Variants in INPP4B observed in about 807,000 individuals in gnomAD.
The protein encoded by INPP4B is inositol polyphosphate 4-phosphatase type II.
In INPP4B, 55 loss-of-function variants were observed where a neutral mutation model predicts 122.5. That is an observed-to-expected ratio of 0.45 (90% CI 0.36 to 0.56). The LOEUF is 0.56. Among genes scored for constraint, INPP4B ranks in the 20% least tolerant of loss-of-function variants. INPP4B has a pLI of 0.00. For missense variants in INPP4B, 1,000 were observed against 1,097.7 expected (o/e 0.91, Z 1.26); for synonymous variants, 403 against 388.7 (o/e 1.04, Z -0.43).
chr4:142,219,178 T>G (rs1022203144), intron 12 of INPP4B, among the ~76,000 whole-genome samples: 1 of 152,206 alleles, frequency 6.6e-6, no homozygotes, highest in Non-Finnish European at 1.5e-5. Flanking sequence ...AACTGCTTAT[T>G]GTACTATATA....
intron 17 of INPP4B, 94 bp from the exon 18 acceptor site, chr4:142,146,090 G>T (rs1810557128): frequency 2.2e-6 from 3 of 1,369,390 alleles, no homozygotes; most frequent in Admixed American, 2.0e-5. Flanking sequence ...ATTTGGAAGG[G>T]TAGTCATTAG....
intron 2 of INPP4B, chr4:142,654,803 C>A (rs1005322442): frequency 4.6e-5 from 7 of 152,154 alleles, no homozygotes; most frequent in Admixed American, 4.6e-4. Context: ...CTGTGTTCAG[C>A]AAGGAGGTGG....
intron 21 of INPP4B, among the ~76,000 whole-genome samples, chr4:142,112,953 G>A (rs1790987730): frequency 6.6e-6 from 1 of 152,080 alleles, no homozygotes; most frequent in Non-Finnish European, 1.5e-5. Flanking sequence ...CCAGGGTCAT[G>A]TGCATTGATA....
intron 2 of INPP4B, among the ~76,000 whole-genome samples, chr4:142,626,463 AC>A (rs1215990546): frequency 6.6e-6 from 1 of 151,900 alleles, no homozygotes. Flanking sequence ...GCTGAGATCA[AC>A]CCCCAGCCAA....
intron 17 of INPP4B, among the ~76,000 whole-genome samples, chr4:142,152,077 T>C (rs1296689173): frequency 5.1e-5 from 6 of 118,310 alleles, no homozygotes; most frequent in East Asian, 5.1e-4. Context: ...TTTTTTTTTT[T>C]TTTTTTTTTT....
chr4:142,448,329 C>A (rs377261912), intron 3 of INPP4B, among the ~76,000 whole-genome samples: 7 of 61,994 alleles, frequency 1.1e-4, no homozygotes, highest in East Asian at 5.1e-4. Flanking sequence ...TATCCATCTC[C>A]AAAAAAAAAA....
At chr4:142,596,799 T>C (rs1738811416) in intron 2 of INPP4B, among the ~76,000 whole-genome samples, 1 of 152,224 alleles carries the variant, frequency 6.6e-6, no homozygotes, top group Non-Finnish European at 1.5e-5. Context: ...ATGCTTGCCC[T>C]GGCCAGTTCT....
intron 2 of INPP4B, among the ~76,000 whole-genome samples, chr4:142,475,388 A>AG (rs968416911): frequency 3.3e-5 from 5 of 152,188 alleles, no homozygotes; most frequent in Admixed American, 3.3e-4. Flanking sequence ...CACACAGATG[A>AG]GAAAAAAAAA....
chr4:142,537,429 T>TATATATATATAGAG lies in INPP4B; in HGVS notation c.-190-74704_-190-74703insCTCTATATATATAT, dbSNP rs1200701380. 1.7e-3 allele frequency among the ~76,000 whole-genome samples: 43 copies of TATATATATATAGAG among 25,464 alleles called. 1 individual carries two copies. Among genetic ancestry groups the TATATATATATAGAG allele is most frequent in the Non-Finnish European group, 3.2e-3 (35 of 10,906 alleles). The allele number at this position is 25,464 out of a possible 152,430, so 16.7% of individuals were successfully genotyped here. A position where few individuals can be genotyped will look rare whatever the true frequency, so the allele number is the denominator to read the frequency against. On this transcript the variant is annotated intron_variant, in intron 2 of 25. Coordinates refer to ENST00000262992, the MANE Select transcript of INPP4B (RefSeq NM_001101669.3). ...ATATATATATATATATATATATATA[T>TATATATATATAGAG]AGAGAGAGAGAGAGAGAGAGAGAGA...
chr4:142,469,834 G>C lies in INPP4B; in HGVS notation c.-190-7108C>G, dbSNP rs554081810. Among the ~76,000 whole-genome samples, 21 of 152,158 alleles carry C rather than the reference G, an allele frequency of 1.4e-4. No individual in the cohort carries two copies. In the East Asian group the frequency reaches 3.5e-3, roughly 25 times the overall value. ...TTACAATTGAAATTGATATAAATGG[G>C]CATAGGACTCCAAGGTTGCATATAG... On this transcript the variant is annotated intron_variant, in intron 2 of 25. Coordinates refer to ENST00000262992, the MANE Select transcript of INPP4B (RefSeq NM_001101669.3).
rs191487768 is a variant in INPP4B, at chr4:142,282,098, T to C, written c.504-11324A>G. On this transcript the variant is annotated intron_variant, in intron 9 of 25. Coordinates refer to ENST00000262992, the MANE Select transcript of INPP4B (RefSeq NM_001101669.3). ...TATGACAAGTGCCATGGAGAAAAAT[T>C]AAGCAGGGTAAAAGGTGGATGAGTG... 3.1e-3 allele frequency among the ~76,000 whole-genome samples: 475 copies of C among 152,190 alleles called. 3 individuals carry two copies. Among genetic ancestry groups the C allele is most frequent in the Non-Finnish European group, 5.4e-3 (366 of 67,980 alleles).
chr4:142,078,784 G>A (rs1772246571), intron 25 of INPP4B, among the ~76,000 whole-genome samples: 3 of 151,928 alleles, frequency 2.0e-5, no homozygotes, highest in Non-Finnish European at 4.4e-5. Flanking sequence ...TTTTTCCCTT[G>A]AGTTTTTATG....
At chr4:142,213,890 T>A (rs1205886987) in intron 12 of INPP4B, among the ~76,000 whole-genome samples, 1 of 152,080 alleles carries the variant, frequency 6.6e-6, no homozygotes, top group Admixed American at 6.6e-5. Flanking sequence ...CGTGAGTGAG[T>A]CACAGGGAAC....
chr4:142,589,892 A>G (rs1211477564), intron 2 of INPP4B, among the ~76,000 whole-genome samples: 2 of 152,066 alleles, frequency 1.3e-5, no homozygotes, highest in Non-Finnish European at 2.9e-5. Flanking sequence ...TTGATAGAAA[A>G]ACAGAAAAAC....
At chr4:142,111,933 G>A (rs1056935910) in intron 22 of INPP4B, among the ~76,000 whole-genome samples, 16 of 150,946 alleles carry the variant, frequency 1.1e-4, no homozygotes, top group Non-Finnish European at 7.4e-5. Flanking sequence ...TAGTAGAGAC[G>A]AGGTTTCACC....
At chr4:142,331,995 T>G (rs1774714062) in intron 7 of INPP4B, among the ~76,000 whole-genome samples, 2 of 152,234 alleles carry the variant, frequency 1.3e-5, no homozygotes, top group African/African-American at 2.4e-5. Context: ...GTTTCTGTGT[T>G]GAAGTCTAAA....
At chr4:142,431,071 T>C in intron 4 of INPP4B, 98 bp downstream of exon 4, 1 of 833,110 alleles carries the variant, frequency 1.2e-6, no homozygotes, top group African/African-American at 1.7e-5. Flanking sequence ...GAACCGAAGT[T>C]CCTATGAATC....
rs183689081 is a variant in INPP4B, at chr4:142,251,260, T to C, written c.688+9232A>G. Among the ~76,000 whole-genome samples, 258 of 152,336 alleles carry C rather than the reference T, an allele frequency of 1.7e-3. 1 individual carries two copies. Among genetic ancestry groups the C allele is most frequent in the Non-Finnish European group, 3.2e-3 (221 of 68,020 alleles). On this transcript the variant is annotated intron_variant, in intron 11 of 25. Coordinates refer to ENST00000262992, the MANE Select transcript of INPP4B (RefSeq NM_001101669.3). ...CACATAAGTCAGTCATTAAAATTTG[T>C]CTTATAATTATAGTATAGATGATTT...
chr4:142,820,773 A>G (rs777307602), intron 1 of INPP4B, among the ~76,000 whole-genome samples: 13 of 152,142 alleles, frequency 8.5e-5, no homozygotes. Context: ...AATGATTGCA[A>G]TGTATTGTAA....
Sources: allele counts gnomAD v4.1 joint callset (sites outside exome capture counted in the v4.1 genomes callset), GRCh38; gene constraint gnomAD v4.1.1; transcripts MANE v1.5; gene names NCBI Gene and HGNC (gene_info 2026-07-23, HGNC 2026-07-21).